The following KIF26B variants were observed in gnomAD, a reference collection of about 807,000 sequenced individuals.
KIF26B encodes the protein kinesin-like protein KIF26B.
A neutral mutation model predicts 151.2 loss-of-function variants in KIF26B; 63 were observed. The observed-to-expected ratio is 0.42, with a 90% CI of 0.34 to 0.51. The LOEUF (loss-of-function observed/expected upper bound fraction) is 0.51. Among genes scored for constraint, KIF26B ranks in the 20% least tolerant of loss-of-function variants. The probability of loss-of-function intolerance (pLI) is 0.07; values close to 1 mark genes in which losing one functional copy is unlikely to be tolerated. For missense variants in KIF26B, 2,813 were observed against 2,913.6 expected (o/e 0.97, Z 0.79); for synonymous variants, 1,357 against 1,262.1 (o/e 1.08, Z -1.59).
intron 5 of KIF26B, among the ~76,000 whole-genome samples, chr1:245,551,616 C>T (rs1030592153): frequency 6.6e-6 from 1 of 152,146 alleles, no homozygotes; most frequent in Non-Finnish European, 1.5e-5. Flanking sequence ...TAATAACGCA[C>T]CATTTGCATG....
intron 2 of KIF26B, among the ~76,000 whole-genome samples, chr1:245,228,338 G>A (rs73127160): frequency 0.059 from 9,034 of 152,240 alleles, 546 homozygotes; most frequent in African/African-American, 0.16. Context: ...TTGCCCAGGC[G>A]GGCGGATCAC....
intron 10 of KIF26B, among the ~76,000 whole-genome samples, chr1:245,672,569 G>T (rs1396434713): frequency 6.6e-6 from 1 of 152,162 alleles, no homozygotes; most frequent in Non-Finnish European, 1.5e-5. Context: ...GATGGAGCAA[G>T]GTTACACCTG....
chr1:245,195,706 C>T (rs777563406), intron 2 of KIF26B, among the ~76,000 whole-genome samples: 18 of 152,158 alleles, frequency 1.2e-4, no homozygotes, highest in Admixed American at 9.2e-4. Context: ...GTTGTTTTTC[C>T]GCCAAACACC....
chr1:245,660,757 A>T (rs1200956560), intron 10 of KIF26B, among the ~76,000 whole-genome samples: 3 of 152,146 alleles, frequency 2.0e-5, no homozygotes, highest in African/African-American at 7.2e-5. Context: ...TGTATCCTCA[A>T]GTTCTGGTAA....
chr1:245,689,570 C>CT (rs1558274913), intron 12 of KIF26B, among the ~76,000 whole-genome samples: 2 of 152,012 alleles, frequency 1.3e-5, no homozygotes, highest in Non-Finnish European at 2.9e-5. Context: ...TCTTTTTTTC[C>CT]TTTTTTTGAG....
intron 2 of KIF26B, among the ~76,000 whole-genome samples, chr1:245,234,082 G>A (rs1279957615): frequency 6.6e-6 from 1 of 151,980 alleles, no homozygotes; most frequent in Admixed American, 6.6e-5. Flanking sequence ...TGCTCAGGGG[G>A]CTGAGGCAGG....
intron 2 of KIF26B, among the ~76,000 whole-genome samples, chr1:245,330,388 T>A (rs58545847): frequency 0.031 from 894 of 28,760 alleles, 81 homozygotes; most frequent in African/African-American, 0.16. Flanking sequence ...GCACCGCATG[T>A]GTGAAGATGA....
At chr1:245,655,917 A>G (rs1459896884) in intron 10 of KIF26B, among the ~76,000 whole-genome samples, 1 of 152,224 alleles carries the variant, frequency 6.6e-6, no homozygotes, top group Non-Finnish European at 1.5e-5. Flanking sequence ...TAACTCTGTC[A>G]TCCATAGAAC....
chr1:245,397,113 C>T (rs1038164997), intron 3 of KIF26B, among the ~76,000 whole-genome samples: 3 of 152,156 alleles, frequency 2.0e-5, no homozygotes, highest in African/African-American at 7.2e-5. Flanking sequence ...GCATGCGCCA[C>T]CACGCCCAGC....
chr1:245,679,790 G>A (rs2044408482), intron 10 of KIF26B, among the ~76,000 whole-genome samples: 1 of 152,106 alleles, frequency 6.6e-6, no homozygotes, highest in Admixed American at 6.5e-5. Context: ...TCAAAGGCAA[G>A]TGTGGTCAGT....
chr1:245,259,380 C>T (rs1465522560), intron 2 of KIF26B, among the ~76,000 whole-genome samples: 2 of 152,108 alleles, frequency 1.3e-5, no homozygotes, highest in African/African-American at 4.8e-5. Flanking sequence ...GACTGAGGCT[C>T]CATCGCTGAA....
intron 2 of KIF26B, among the ~76,000 whole-genome samples, chr1:245,321,458 A>G (rs945087823): frequency 2.0e-5 from 3 of 152,208 alleles, no homozygotes; most frequent in African/African-American, 4.8e-5. Context: ...CATGGTAGCA[A>G]TGTCCTTGCT....
At chr1:245,446,564 T>C (rs1659255262) in intron 4 of KIF26B, among the ~76,000 whole-genome samples, 1 of 152,136 alleles carries the variant, frequency 6.6e-6, no homozygotes, top group Non-Finnish European at 1.5e-5. Context: ...GACTCCTAAG[T>C]GTGTTTTTAG....
At chr1:245,290,465 T>C (rs139056054) in intron 2 of KIF26B, among the ~76,000 whole-genome samples, 4 of 152,210 alleles carry the variant, frequency 2.6e-5, no homozygotes, top group African/African-American at 9.6e-5. Flanking sequence ...TTTCATGATA[T>C]GCTAAACAAG....
chr1:245,485,864 A>C (rs1210819296), intron 4 of KIF26B, among the ~76,000 whole-genome samples: 1 of 152,238 alleles, frequency 6.6e-6, no homozygotes, highest in Non-Finnish European at 1.5e-5. Context: ...CAGAGCTGTG[A>C]TGAATAAATA....
chr1:245,470,912 C>G (rs1277016757), intron 4 of KIF26B, among the ~76,000 whole-genome samples: 1 of 152,118 alleles, frequency 6.6e-6, no homozygotes, highest in African/African-American at 2.4e-5. Context: ...CTCTCTCTCT[C>G]CTCTCATAGG....
At chr1:245,228,559 C>T (rs898538477) in intron 2 of KIF26B, among the ~76,000 whole-genome samples, 32 of 147,278 alleles carry the variant, frequency 2.2e-4, no homozygotes, top group Admixed American at 5.4e-4. Context: ...AGAGCAAAAA[C>T]TCCATCTCAA....
chr1:245,518,906 T>C (rs1207319990), intron 4 of KIF26B, among the ~76,000 whole-genome samples: 3 of 152,156 alleles, frequency 2.0e-5, no homozygotes, highest in African/African-American at 7.2e-5. Context: ...GCTACACTCT[T>C]ACACACTCAC....
intron 2 of KIF26B, among the ~76,000 whole-genome samples, chr1:245,279,685 C>T (rs1167809704): frequency 3.3e-5 from 5 of 151,806 alleles, no homozygotes; most frequent in African/African-American, 9.7e-5. Context: ...TATGAAGCAG[C>T]GGCCACACAG....
Sources: allele counts gnomAD v4.1 joint callset (sites outside exome capture counted in the v4.1 genomes callset), GRCh38; gene constraint gnomAD v4.1.1; transcripts MANE v1.5; gene names NCBI Gene and HGNC (gene_info 2026-07-23, HGNC 2026-07-21).